The following LGALS8 variants were observed in gnomAD, a reference collection of about 807,000 sequenced individuals.
The protein encoded by LGALS8 is galectin-8.
In LGALS8, 30 loss-of-function variants were observed where a neutral mutation model predicts 35.9. The ratio of observed to expected loss-of-function variants is 0.83; its 90% CI spans 0.62 to 1.13. LGALS8 has a LOEUF of 1.13. Among genes scored for constraint, LGALS8 ranks in the 50% most tolerant of loss-of-function variants. The pLI is 0.00. For missense variants in LGALS8, 366 were observed against 388.7 expected, an observed-to-expected ratio of 0.94 and a Z score of 0.49; for synonymous variants, 138 against 136.1, an observed-to-expected ratio of 1.01 and a Z score of -0.10.
intron 4 of LGALS8, among the ~76,000 whole-genome samples, chr1:236,539,751 A>G (rs545088615): frequency 6.6e-6 from 1 of 152,306 alleles, no homozygotes; most frequent in Admixed American, 6.5e-5. Context: ...CCTGCCCGAA[A>G]GTCTTTCTGA....
chr1:236,550,836 C>A lies in LGALS8; in HGVS notation c.*2675C>A. 1.5e-6 allele frequency: 2 copies of A among 1,290,724 alleles called. No homozygotes were observed. The highest frequency in any genetic ancestry group is 1.1e-6 in the Non-Finnish European group (1 of 922,754). The allele number at this position is 1,290,724 out of a possible 1,614,324, so 80.0% of individuals were successfully genotyped here. A position where few individuals can be genotyped will look rare whatever the true frequency, so the allele number is the denominator to read the frequency against. On this transcript the variant is annotated 3_prime_UTR_variant, in exon 10 of 10. Coordinates refer to ENST00000366584, the MANE Select transcript of LGALS8 (RefSeq NM_201544.4). ...ACCAAAAGTAACATGGCACCCAACA[C>A]CCAAAAATAAAAATATGAAATATGA...
upstream of LGALS8, chr1:236,523,863 G>A: frequency 3.7e-5 from 13 of 348,662 alleles, no homozygotes; most frequent in South Asian, 2.7e-4. Flanking sequence ...AGCCGCCAGG[G>A]ACGCCCCAGA....
rs369820574 is a variant in LGALS8, at chr1:236,544,809, G to A, written c.698G>A (p.Arg233His). Residue 233 changes from arginine to histidine, a missense_variant, in exon 9 of 10, where the codon CGC (arginine) becomes CAC (histidine). By Grantham distance (29) the Arg-to-His change is conservative. Transcript: ENST00000366584. The part of the protein sequence containing the change: ...SKDIALHLNP[R>H]LNIKAFVRNS... ...GATATTGCTCTACACTTGAACCCAC[G>A]CCTGAATATTAAAGCATTTGTAAGA... 9 of 1,613,634 alleles carry A rather than the reference G, an allele frequency of 5.6e-6. No individual in the cohort carries two copies. Among genetic ancestry groups the A allele is most frequent in the Admixed American group, 3.3e-5 (2 of 60,000 alleles).
At chr1:236,520,460 A>G (rs1280610091), upstream of LGALS8, among the ~76,000 whole-genome samples, 1 of 151,004 alleles carries the variant, frequency 6.6e-6, no homozygotes, top group East Asian at 1.9e-4. Context: ...CTGCTTCTCC[A>G]TTCCTCCTCA....
intron 1 of LGALS8, chr1:236,524,711 ATTGGG>A (rs1660717627): frequency 3.2e-6 from 1 of 312,732 alleles, no homozygotes; most frequent in African/African-American, 2.2e-5. Context: ...GATGGCTTAA[ATTGGG>A]TCACTGGCTT....
intron 8 of LGALS8, among the ~76,000 whole-genome samples, chr1:236,543,961 T>C (rs920447292): frequency 6.6e-6 from 1 of 150,848 alleles, no homozygotes; most frequent in Non-Finnish European, 1.5e-5. Flanking sequence ...TTTTTTTTTT[T>C]TGAGATGGAG....
chr1:236,532,157 G>C (rs531755779), intron 2 of LGALS8, among the ~76,000 whole-genome samples: 1 of 152,278 alleles, frequency 6.6e-6, no homozygotes, highest in Middle Eastern at 3.4e-3. Flanking sequence ...TTATTTGCAT[G>C]AACAGTTCAG....
rs1662683668 is a variant in LGALS8 at position 236,550,603 on chromosome 1, A to C, written c.*2442A>C. ...TCAGCTTTGGGTGCTAAAATTAACAAGTCTAATATTATTACCATCAATCAG... is the reference window on the plus strand; with the variant it reads ...TCAGCTTTGGGTGCTAAAATTAACACGTCTAATATTATTACCATCAATCAG... On this transcript the variant is annotated 3_prime_UTR_variant, in exon 10 of 10. Coordinates refer to ENST00000366584, the MANE Select transcript of LGALS8 (RefSeq NM_201544.4). The C allele has an allele frequency of 3.4e-6, 1 of 296,026 alleles. No individual in the cohort carries two copies. The highest frequency in any genetic ancestry group is 2.2e-5 in the African/African-American group (1 of 45,988). 18.3% of individuals were successfully genotyped at this position (296,026 alleles called of 1,614,324 possible). A position where few individuals can be genotyped will look rare whatever the true frequency, so the allele number is the denominator to read the frequency against.
At chr1:236,531,454 G>A (rs1277782028) in intron 2 of LGALS8, among the ~76,000 whole-genome samples, 1 of 152,128 alleles carries the variant, frequency 6.6e-6, no homozygotes, top group Non-Finnish European at 1.5e-5. Flanking sequence ...CTCCGGAGTA[G>A]CTGGGACTAC....
chr1:236,524,300 G>A (rs1453561661), intron 1 of LGALS8: 2 of 456,602 alleles, frequency 4.4e-6, no homozygotes, highest in Admixed American at 4.7e-5. Flanking sequence ...GGGATTATCA[G>A]GAGTCGCGGC....
chr1:236,549,891 T>G lies in LGALS8; in HGVS notation c.*1730T>G, dbSNP rs1016500568. 2.0e-5 allele frequency: 3 copies of G among 152,248 alleles called. No individual in the cohort carries two copies. The highest frequency in any genetic ancestry group is 7.2e-5 in the African/African-American group (3 of 41,472). The allele number at this position is 152,248 out of a possible 1,614,324, so 9.4% of individuals were successfully genotyped here. On this transcript the variant is annotated 3_prime_UTR_variant, in exon 10 of 10. Coordinates refer to ENST00000366584, the MANE Select transcript of LGALS8 (RefSeq NM_201544.4). ...TGAGACATTTCTTAGAAATATGCAC[T>G]TCTATACTAGCAAGCTCTGTCTCTA...
intron 2 of LGALS8, among the ~76,000 whole-genome samples, chr1:236,527,999 G>C (rs1460464886): frequency 2.0e-5 from 3 of 151,592 alleles, no homozygotes; most frequent in African/African-American, 4.8e-5. Flanking sequence ...ACCTCCAAAA[G>C]TGCTGGGATT....
At chr1:236,539,649 G>A (rs1661828788) in intron 4 of LGALS8, among the ~76,000 whole-genome samples, 1 of 152,164 alleles carries the variant, frequency 6.6e-6, no homozygotes, top group South Asian at 2.1e-4. Context: ...CCTCTGGCCT[G>A]TGGAGCTTGC....
At chr1:236,520,326 G>C (rs1258709162), upstream of LGALS8, among the ~76,000 whole-genome samples, 1 of 149,278 alleles carries the variant, frequency 6.7e-6, no homozygotes, top group Non-Finnish European at 1.5e-5. Flanking sequence ...TCTTATGGCA[G>C]GTCACTTGAA....
chr1:236,543,168 G>A (rs1043751661), intron 7 of LGALS8: 1 of 788,974 alleles, frequency 1.3e-6, no homozygotes, highest in South Asian at 1.6e-5. Context: ...GTCCCTGGAC[G>A]GATTCGAGAG....
intron 7 of LGALS8, chr1:236,543,227 C>T (rs889554883): frequency 1.6e-6 from 1 of 638,400 alleles, no homozygotes; most frequent in Non-Finnish European, 2.8e-6. Flanking sequence ...CTCAGCACCT[C>T]CCTGCTTGGC....
At chr1:236,539,690 A>G (rs1661833505) in intron 4 of LGALS8, among the ~76,000 whole-genome samples, 1 of 152,158 alleles carries the variant, frequency 6.6e-6, no homozygotes, top group Non-Finnish European at 1.5e-5. Flanking sequence ...AACGCGAGAG[A>G]AGACTCGAAT....
chr1:236,537,021 C>CTTTTTTTTTTTTTTTTTTTTTTTTTTT lies in LGALS8; in HGVS notation c.46-463_46-462insTTTTTTTTTTTTTTTTTTTTTTTTTTT, dbSNP rs60024224. ...ATCCTGGCCATGAGGTATGCAGTTCCTTTTTTTTTTTTTGAGACGGAGCCT... is the reference window on the plus strand; with the variant it reads ...ATCCTGGCCATGAGGTATGCAGTTCCTTTTTTTTTTTTTTTTTTTTTTTTTTTTTTTTTTTTTTTTGAGACGGAGCCT... On this transcript the variant is annotated intron_variant, in intron 2 of 9. Coordinates refer to ENST00000366584, the MANE Select transcript of LGALS8 (RefSeq NM_201544.4). 1.5e-5 allele frequency among the ~76,000 whole-genome samples: 2 copies of CTTTTTTTTTTTTTTTTTTTTTTTTTTT among 137,850 alleles called. 1 individual carries two copies. Among genetic ancestry groups the CTTTTTTTTTTTTTTTTTTTTTTTTTTT allele is most frequent in the African/African-American group, 5.8e-5 (2 of 34,404 alleles). The allele number at this position is 137,850 out of a possible 152,430, so 90.4% of individuals were successfully genotyped here.
chr1:236,551,171 G>A lies in LGALS8; in HGVS notation c.*3010G>A, dbSNP rs1662724268. 1.8e-5 allele frequency: 10 copies of A among 552,892 alleles called. No homozygotes were observed. The highest frequency in any genetic ancestry group is 1.5e-4 in the East Asian group (5 of 33,406). The allele number at this position is 552,892 out of a possible 1,614,324, so 34.2% of individuals were successfully genotyped here. ...CGCCTCCCTCCACACCGCTCCTTCC[G>A]CCTTCATTCCTTGCCCACAGGCTTG... On this transcript the variant is annotated 3_prime_UTR_variant, in exon 10 of 10. Transcript: ENST00000366584.
Sources: gnomAD v4.1 joint callset for allele counts (sites outside exome capture counted in the v4.1 genomes callset) on GRCh38, gnomAD v4.1.1 for gene constraint, MANE v1.5 for transcripts, NCBI Gene and HGNC (gene_info 2026-07-23, HGNC 2026-07-21) for gene names.